Variants in SLC7A6 observed in about 807,000 individuals in gnomAD.
SLC7A6 encodes solute carrier family 7 member 6, also known as Y+L amino acid transporter 2.
In SLC7A6, 29 loss-of-function variants were observed where a neutral mutation model predicts 46.6. That is an observed-to-expected ratio of 0.62 (90% CI 0.46 to 0.85). The LOEUF is 0.85. SLC7A6 is among the 40% of genes least tolerant of loss of function. The pLI is 0.00. For missense variants in SLC7A6, 527 were observed against 647.6 expected (o/e 0.81, Z 2.02); for synonymous variants, 276 against 257.3 (o/e 1.07, Z -0.70).
chr16:68,300,498 G>T lies in SLC7A6; in HGVS notation c.*3170G>T. 1 of 529,192 alleles carries T rather than the reference G, an allele frequency of 1.9e-6. No homozygotes were observed. Among genetic ancestry groups the T allele is most frequent in the Non-Finnish European group, 2.4e-6 (1 of 413,112 alleles). The allele number at this position is 529,192 out of a possible 1,614,324, so 32.8% of individuals were successfully genotyped here. On this transcript the variant is annotated 3_prime_UTR_variant, in exon 11 of 11. Transcript: ENST00000219343. ...GAAAGCTAAGTTCAGAAGGTACTTT[G>T]TTTTTCCTCCCTTGCCTTAAGTCCT...
In SLC7A6 at chr16:68,297,543, ATT is replaced by A; in HGVS notation, c.*216_*217del. ...GGGGGCTTCAGAGGGTGGGGGGAAG[ATT>A]GGGGAACGGGGGGAATGGTCATTTA... is the stretch of plus-strand genomic sequence containing the variant. On this transcript the variant is annotated 3_prime_UTR_variant, in exon 11 of 11. Transcript: ENST00000219343. The A allele has an allele frequency of 4.4e-6, 1 of 229,780 alleles. No homozygotes were observed. The allele number at this position is 229,780 out of a possible 1,614,324, so 14.2% of individuals were successfully genotyped here.
chr16:68,287,803 C>T lies in SLC7A6; in HGVS notation c.581C>T (p.Thr194Met), dbSNP rs761175588. The T allele has an allele frequency of 8.7e-6, 14 of 1,614,212 alleles. No individual in the cohort carries two copies. The highest frequency in any genetic ancestry group is 6.7e-5 in the Admixed American group (4 of 60,032). Residue 194 changes from threonine (T) to methionine (M), a missense_variant, in exon 4 of 11, where the codon ACG becomes ATG. Thr to Met is a moderately conservative substitution (Grantham distance 81). Transcript: ENST00000219343. ...AAGTGGGGCACACGTGTGCAGGACA[C>T]GTTCACTTACGCCAAGGTCGTAGCG... The part of the protein sequence containing the change: ...YVKWGTRVQD[T>M]FTYAKVVALI...
At position 68,301,003 on chromosome 16, in the gene SLC7A6, T is replaced by TAA. The variant is rs1433697561; in HGVS notation, c.*3677_*3678dup. The TAA allele has an allele frequency of 9.2e-7, 1 of 1,091,590 alleles. No individual in the cohort carries two copies. Among genetic ancestry groups the TAA allele is most frequent in the African/African-American group, 1.6e-5 (1 of 60,826 alleles). The allele number at this position is 1,091,590 out of a possible 1,614,324, so 67.6% of individuals were successfully genotyped here. A position where few individuals can be genotyped will look rare whatever the true frequency, so the allele number is the denominator to read the frequency against. On this transcript the variant is annotated 3_prime_UTR_variant, in exon 11 of 11. Transcript: ENST00000219343. ...AATTCCTGGGCCAAGAAGCTAAAGC[T>TAA]AAAGAAACCTTCCTTTTTTCAACGT...
At chr16:68,267,731 C>A (rs1596963335) in intron 2 of SLC7A6, among the ~76,000 whole-genome samples, 1 of 152,152 alleles carries the variant, frequency 6.6e-6, no homozygotes, top group African/African-American at 2.4e-5. Context: ...TGGTGGCTGG[C>A]AGCCCCTAGA....
Position 68,297,346 on chromosome 16 carries a change from C to CAAAGA in SLC7A6, c.*18_*19insAAAGA, listed in dbSNP as rs774054874. 32 of 1,611,022 alleles carry CAAAGA rather than the reference C, an allele frequency of 2.0e-5. No individual in the cohort carries two copies. The highest frequency in any genetic ancestry group is 2.7e-5 in the Non-Finnish European group (32 of 1,177,786). On this transcript the variant is annotated 3_prime_UTR_variant, in exon 11 of 11. Coordinates refer to ENST00000219343, the MANE Select transcript of SLC7A6 (RefSeq NM_003983.6). ...CTGACTAGAGGTCAGAGGTGGCTTT[C>CAAAGA]TGAGGCCTGGAAGGCAGGCCAACCA...
intron 3 of SLC7A6, among the ~76,000 whole-genome samples, chr16:68,280,214 T>A (rs572046052): frequency 1.3e-5 from 2 of 152,296 alleles, no homozygotes; most frequent in African/African-American, 4.8e-5. Flanking sequence ...AGGGTAAGAC[T>A]TCGGTAGGAT....
rs112503740 is a variant in SLC7A6, at chr16:68,301,549, CTTT to C, written c.*4229_*4231del. ...AATAAATAAAAAAGAATATAGAATT[CTTT>C]TTTTTTTAAAGAAGGAATCACTTTC... On this transcript the variant is annotated 3_prime_UTR_variant, in exon 11 of 11. Transcript: ENST00000219343. 3.5e-6 allele frequency: 2 copies of C among 575,566 alleles called. No homozygotes were observed. The highest frequency in any genetic ancestry group is 5.5e-6 in the Non-Finnish European group (2 of 366,102). The allele number at this position is 575,566 out of a possible 1,614,324, so 35.7% of individuals were successfully genotyped here. A position where few individuals can be genotyped will look rare whatever the true frequency, so the allele number is the denominator to read the frequency against.
Position 68,275,246 on chromosome 16 carries a change from A to C in SLC7A6, c.520A>C (p.Ile174Leu). The part of the protein sequence containing the change: ...LACRLLAAAC[I>L]CLLTFVNCAY... Reference sequence around the variant, plus strand: ...CTGCCGTCTCCTGGCTGCTGCTTGCATATGTAAGTGGGGGCTGAGATTGGG... The same window carrying C: ...CTGCCGTCTCCTGGCTGCTGCTTGCCTATGTAAGTGGGGGCTGAGATTGGG... Residue 174 changes from isoleucine (I) to leucine (L), a missense_variant, in exon 3 of 11, where the codon ATA becomes CTA. By Grantham distance (5) the Ile-to-Leu change is conservative. Transcript: ENST00000219343. 6.6e-7 allele frequency: 1 copy of C among 1,525,166 alleles called. No homozygotes were observed. The allele number at this position is 1,525,166 out of a possible 1,614,324, so 94.5% of individuals were successfully genotyped here.
chr16:68,283,741 C>T (rs1272926285), intron 3 of SLC7A6, among the ~76,000 whole-genome samples: 1 of 152,214 alleles, frequency 6.6e-6, no homozygotes, highest in Admixed American at 6.5e-5. Context: ...ACGTGGGTCC[C>T]ACGCTCCTTG....
intron 2 of SLC7A6, among the ~76,000 whole-genome samples, chr16:68,268,834 C>T (rs768300857): frequency 2.6e-5 from 4 of 151,778 alleles, no homozygotes; most frequent in Non-Finnish European, 5.9e-5. Flanking sequence ...ATGGTGAAAC[C>T]CCGTCTCTAC....
chr16:68,291,090 TC>T, intron 5 of SLC7A6, 118 bp from the exon 6 acceptor site: 1 of 1,337,086 alleles, frequency 7.5e-7, no homozygotes, highest in Non-Finnish European at 1.1e-6. Context: ...TGAGCCTCCC[TC>T]AAAGACTTGG....
chr16:68,290,767 A>G (rs1450981757), intron 5 of SLC7A6: 2 of 562,642 alleles, frequency 3.6e-6, no homozygotes, highest in Non-Finnish European at 6.3e-6. Flanking sequence ...GGGCCTTCCT[A>G]GAGGAGAGGG....
At chr16:68,265,697 G>A (rs1475154305) in intron 1 of SLC7A6, 1 of 152,162 alleles carries the variant, frequency 6.6e-6, no homozygotes, top group African/African-American at 2.4e-5. Context: ...TGTGTGCTGC[G>A]CAGACGGCTT....
At chr16:68,267,206 AT>A (rs1189220005) in intron 2 of SLC7A6, among the ~76,000 whole-genome samples, 7,980 of 87,712 alleles carry the variant, frequency 0.091, 195 homozygotes, top group South Asian at 0.17. Context: ...ATTGTGGTGG[AT>A]TTTTTTTTTT....
intron 3 of SLC7A6, among the ~76,000 whole-genome samples, chr16:68,283,125 A>G (rs923093093): frequency 5.3e-5 from 8 of 152,222 alleles, no homozygotes; most frequent in Non-Finnish European, 1.2e-4. Context: ...TCAGAAAGAG[A>G]GTATGAAAGG....
Position 68,275,030 on chromosome 16 carries a change from G to T in SLC7A6, c.304G>T (p.Gly102Trp). 6.2e-7 allele frequency: 1 copy of T among 1,614,136 alleles called. No homozygotes were observed. Among genetic ancestry groups the T allele is most frequent in the Non-Finnish European group, 8.5e-7 (1 of 1,180,022 alleles). The change falls in exon 3 of 11, where the codon GGG (glycine) becomes TGG (tryptophan). Residue 102 changes from glycine (G) to tryptophan (W), a missense_variant. Physicochemically the swap from Gly to Trp is radical, Grantham distance 184. Transcript: ENST00000219343. ...GGGTGCCCTTTGTTATGCAGAGCTG[G>T]GGACCACCATCACCAAGTCGGGAGC... The part of the protein sequence containing the change: ...VVGALCYAEL[G>W]TTITKSGASY...
At chr16:68,271,691 C>T (rs2042626475) in intron 2 of SLC7A6, among the ~76,000 whole-genome samples, 1 of 152,200 alleles carries the variant, frequency 6.6e-6, no homozygotes. Flanking sequence ...TAGTCATGTG[C>T]TCTTGGGAGC....
intron 3 of SLC7A6, chr16:68,284,672 TATCAGC>T (rs2042891277): frequency 1.0e-6 from 1 of 984,670 alleles, no homozygotes; most frequent in Admixed American, 6.2e-5. Flanking sequence ...CTGAGGAGTG[TATCAGC>T]TTCTCTTCCC....
intron 5 of SLC7A6, 160 bp downstream of exon 5, chr16:68,290,700 G>C: frequency 1.2e-6 from 1 of 846,766 alleles, no homozygotes. Context: ...TAGAATGGGA[G>C]TGAGTGAAGG....
Sources: gnomAD v4.1 joint callset for allele counts (sites outside exome capture counted in the v4.1 genomes callset) on GRCh38, gnomAD v4.1.1 for gene constraint, MANE v1.5 for transcripts, NCBI Gene and HGNC (gene_info 2026-07-23, HGNC 2026-07-21) for gene names.